TBC1D5: variants seen among roughly 807,000 people sequenced by gnomAD.
TBC1D5 encodes the protein TBC1 domain family member 5.
TBC1D5 carries 75 observed loss-of-function variants against 100.3 expected under a neutral mutation model. The ratio of observed to expected loss-of-function variants is 0.75; its 90% CI spans 0.62 to 0.91. The LOEUF (loss-of-function observed/expected upper bound fraction) is 0.91. Among genes scored for constraint, TBC1D5 ranks in the 40% least tolerant of loss-of-function variants. TBC1D5 has a pLI of 0.00. For synonymous variants in TBC1D5, 323 were observed against 325.6 expected (o/e 0.99, Z 0.09); for missense variants, 910 against 942.4 (o/e 0.97, Z 0.45).
At chr3:17,395,465 T>A (rs2093477250) in intron 8 of TBC1D5, among the ~76,000 whole-genome samples, 2 of 152,170 alleles carry the variant, frequency 1.3e-5, no homozygotes, top group Non-Finnish European at 2.9e-5. Context: ...GTACCAAAGC[T>A]GCTTCAATTC....
chr3:17,230,707 C>T (rs1031050490), intron 17 of TBC1D5, among the ~76,000 whole-genome samples: 46 of 151,828 alleles, frequency 3.0e-4, no homozygotes, highest in Non-Finnish European at 2.9e-5. Context: ...TTTAAAGATG[C>T]CTATGGAAAT....
chr3:17,577,254 C>A (rs2096663248), intron 2 of TBC1D5, among the ~76,000 whole-genome samples: 1 of 151,884 alleles, frequency 6.6e-6, no homozygotes. Flanking sequence ...AAAAGCGATT[C>A]CAACTAATAA....
intron 1 of TBC1D5, among the ~76,000 whole-genome samples, chr3:17,715,524 G>T (rs1282620300): frequency 6.6e-6 from 1 of 152,214 alleles, no homozygotes; most frequent in Non-Finnish European, 1.5e-5. Flanking sequence ...GGACATGGAG[G>T]CCAGGCATGG....
At chr3:17,280,818 G>A (rs1210678195) in intron 15 of TBC1D5, among the ~76,000 whole-genome samples, 3 of 152,316 alleles carry the variant, frequency 2.0e-5, no homozygotes, top group African/African-American at 7.2e-5. Flanking sequence ...CCTCCACTGA[G>A]CTATTAACAC....
At position 17,251,429 on chromosome 3, in the gene TBC1D5, C is replaced by T. The variant is rs1379315076; in HGVS notation, c.1331+7077G>A. Among the ~76,000 whole-genome samples, 6 of 131,248 alleles carry T rather than the reference C, an allele frequency of 4.6e-5. No individual in the cohort carries two copies. The East Asian group carries it at 1.5e-3, about 32-fold the overall frequency. The allele number at this position is 131,248 out of a possible 152,430, so 86.1% of individuals were successfully genotyped here. A position where few individuals can be genotyped will look rare whatever the true frequency, so the allele number is the denominator to read the frequency against. ...GGAATATATATACTCACGGGAACCC[C>T]CCCCCCCCCAGTAGAAGCGATTAGA... is the stretch of plus-strand genomic sequence containing the variant. On this transcript the variant is annotated intron_variant, in intron 16 of 21. Transcript: ENST00000253692.
At chr3:17,681,990 C>T (rs1341326625) in intron 1 of TBC1D5, among the ~76,000 whole-genome samples, 4 of 151,572 alleles carry the variant, frequency 2.6e-5, no homozygotes, top group African/African-American at 4.9e-5. Flanking sequence ...GAGAATCTAA[C>T]TAATGCTTGA....
At chr3:17,598,486 CTTATA>C (rs1255754320) in intron 2 of TBC1D5, among the ~76,000 whole-genome samples, 16 of 152,140 alleles carry the variant, frequency 1.1e-4, no homozygotes, top group Non-Finnish European at 4.4e-5. Flanking sequence ...TTAACTACTC[CTTATA>C]TTATAACATT....
At chr3:17,516,247 T>C (rs2153275316) in intron 2 of TBC1D5, among the ~76,000 whole-genome samples, 1 of 152,352 alleles carries the variant, frequency 6.6e-6, no homozygotes, top group East Asian at 1.9e-4. Flanking sequence ...TGCTCTGATG[T>C]GCCTCTGGGC....
In TBC1D5 at chr3:17,285,248, CTTTTTTTTTTTTTT is replaced by C. The variant is rs373843978; in HGVS notation, c.1245+6633_1245+6646del. Reference sequence around the variant, plus strand: ...AGTCACTATACGTGGATTTTAGATTCTTTTTTTTTTTTTTTTTTTTTTTTTTTTTTGAGACGGAG... The same window carrying C: ...AGTCACTATACGTGGATTTTAGATTCTTTTTTTTTTTTTTTTGAGACGGAG... On this transcript the variant is annotated intron_variant, in intron 15 of 21. Coordinates refer to ENST00000253692, the Ensembl canonical transcript of TBC1D5. Among the ~76,000 whole-genome samples the C allele has an allele frequency of 2.0e-4, 21 of 104,708 alleles. No individual in the cohort carries two copies. The Middle Eastern group carries it at 0.015, about 73-fold the overall frequency. The allele number at this position is 104,708 out of a possible 152,430, so 68.7% of individuals were successfully genotyped here.
In TBC1D5 at chr3:17,374,559, AATGCT is replaced by A. The variant is rs1559748393; in HGVS notation, c.753-24_753-20del. On this transcript the variant is annotated intron_variant, in intron 11 of 21. Coordinates refer to ENST00000253692, the Ensembl canonical transcript of TBC1D5. ...CACTGCACTAAAAATAAAATAACAC[AATGCT>A]ATGTAACTTTCATTAAAATAATGAT... The A allele has an allele frequency of 6.2e-7, 1 of 1,610,224 alleles. No homozygotes were observed. Among genetic ancestry groups the A allele is most frequent in the African/African-American group, 1.3e-5 (1 of 74,758 alleles).
At chr3:17,639,534 T>C (rs1300205189) in intron 1 of TBC1D5, among the ~76,000 whole-genome samples, 1 of 151,748 alleles carries the variant, frequency 6.6e-6, no homozygotes, top group African/African-American at 2.4e-5. Flanking sequence ...GAGCACAAAC[T>C]ATTCCCCATC....
At chr3:17,180,162 G>T (rs1177792391) in intron 19 of TBC1D5, among the ~76,000 whole-genome samples, 1 of 152,114 alleles carries the variant, frequency 6.6e-6, no homozygotes, top group East Asian at 1.9e-4. Flanking sequence ...GAAAAGTTTA[G>T]GTTTAATAAA....
chr3:17,683,740 C>G (rs186906710), intron 1 of TBC1D5, among the ~76,000 whole-genome samples: 196 of 152,252 alleles, frequency 1.3e-3, no homozygotes, highest in Admixed American at 2.0e-3. Context: ...CTTAACATCT[C>G]TAAGTCTCTA....
intron 1 of TBC1D5, among the ~76,000 whole-genome samples, chr3:17,734,736 G>A (rs2076827196): frequency 1.3e-5 from 2 of 152,140 alleles, no homozygotes; most frequent in Admixed American, 1.3e-4. Flanking sequence ...TTGTTGTAAA[G>A]GGTAAACTGG....
At chr3:17,345,763 C>T (rs1229228355) in intron 13 of TBC1D5, among the ~76,000 whole-genome samples, 2 of 152,188 alleles carry the variant, frequency 1.3e-5, no homozygotes, top group Non-Finnish European at 2.9e-5. Context: ...AGTTCATGTC[C>T]TTCGTAGGGA....
chr3:17,186,050 AG>A lies in TBC1D5; in HGVS notation c.1753-843del, dbSNP rs201157151. Among the ~76,000 whole-genome samples, 528 of 149,268 alleles carry A rather than the reference AG, an allele frequency of 3.5e-3. 5 individuals carry two copies. The highest frequency in any genetic ancestry group is 0.013 in the African/African-American group (514 of 40,684). On this transcript the variant is annotated intron_variant, in intron 18 of 21. Transcript: ENST00000253692. ...ATTATCGGAGTTTTTTTTTTTTTTAAGAGAAAAAGAATAATCCTCATCATTT... is the reference window on the plus strand; with the variant it reads ...ATTATCGGAGTTTTTTTTTTTTTTAAAGAAAAAGAATAATCCTCATCATTT...
At chr3:17,206,377 T>C (rs949947694) in intron 18 of TBC1D5, among the ~76,000 whole-genome samples, 8 of 152,218 alleles carry the variant, frequency 5.3e-5, no homozygotes, top group Non-Finnish European at 8.8e-5. Context: ...TGCTCTCTTA[T>C]ATTTCTTAAA....
chr3:17,325,358 T>C (rs2085962358), intron 13 of TBC1D5, among the ~76,000 whole-genome samples: 1 of 142,120 alleles, frequency 7.0e-6, no homozygotes, highest in African/African-American at 2.6e-5. Context: ...AGTCTTGCCC[T>C]GTCGCCCAGG....
At chr3:17,546,680 A>G (rs2096418610) in intron 2 of TBC1D5, among the ~76,000 whole-genome samples, 1 of 151,274 alleles carries the variant, frequency 6.6e-6, no homozygotes, top group Non-Finnish European at 1.5e-5. Flanking sequence ...GAGACTCCTG[A>G]GTCTCCCGAG....
Sources: gnomAD v4.1 joint callset for allele counts (sites outside exome capture counted in the v4.1 genomes callset) on GRCh38, gnomAD v4.1.1 for gene constraint, MANE v1.5 for transcripts, NCBI Gene and HGNC (gene_info 2026-07-23, HGNC 2026-07-21) for gene names.